The following FANCC variants were observed in gnomAD, a reference collection of about 807,000 sequenced individuals.
The protein encoded by FANCC is Fanconi anemia group C protein.
A neutral mutation model predicts 71.3 loss-of-function variants in FANCC; 55 were observed. That is an observed-to-expected ratio of 0.77 (90% CI 0.62 to 0.97). FANCC has a LOEUF of 0.97. Among genes scored for constraint, FANCC ranks in the 50% least tolerant of loss-of-function variants. The pLI is 0.00. For missense variants in FANCC, 678 were observed against 670.9 expected, an observed-to-expected ratio of 1.01 and a Z score of -0.12; for synonymous variants, 275 against 244.9, an observed-to-expected ratio of 1.12 and a Z score of -1.15.
At chr9:95,230,445 G>A (rs541560580) in intron 4 of FANCC, among the ~76,000 whole-genome samples, 2 of 152,232 alleles carry the variant, frequency 1.3e-5, no homozygotes, top group Admixed American at 6.5e-5. Context: ...TATTGTGTCC[G>A]GAATTTATTC....
intron 1 of FANCC, among the ~76,000 whole-genome samples, chr9:95,291,648 C>T (rs1434886978): frequency 2.6e-5 from 4 of 151,808 alleles, no homozygotes; most frequent in South Asian, 2.1e-4. Context: ...TTTAAAAGTC[C>T]GTTAAAATTT....
intron 4 of FANCC, among the ~76,000 whole-genome samples, chr9:95,173,659 T>C (rs1825831161): frequency 6.6e-6 from 1 of 152,178 alleles, no homozygotes; most frequent in Non-Finnish European, 1.5e-5. Flanking sequence ...CTCACACCTA[T>C]AATCACAGCA....
chr9:95,108,170 C>T (rs1466659230), intron 13 of FANCC, among the ~76,000 whole-genome samples: 2 of 152,090 alleles, frequency 1.3e-5, no homozygotes, highest in Non-Finnish European at 1.5e-5. Flanking sequence ...AGGCCTCATT[C>T]AATGAAGTCT....
chr9:95,144,007 T>C (rs1298090448), intron 7 of FANCC, among the ~76,000 whole-genome samples: 1 of 152,090 alleles, frequency 6.6e-6, no homozygotes, highest in Admixed American at 6.5e-5. Flanking sequence ...CACCAGCCAA[T>C]TGTCAAACAG....
intron 1 of FANCC, among the ~76,000 whole-genome samples, chr9:95,311,617 C>T (rs1588453972): frequency 6.6e-6 from 1 of 152,212 alleles, no homozygotes; most frequent in African/African-American, 2.4e-5. Flanking sequence ...AACTCACAAT[C>T]TTCCAGCCTC....
chr9:95,258,262 C>T (rs941628255), intron 1 of FANCC, among the ~76,000 whole-genome samples: 3 of 152,284 alleles, frequency 2.0e-5, no homozygotes, highest in African/African-American at 7.2e-5. Flanking sequence ...GGCCAATTCC[C>T]TGATGAACAT....
intron 1 of FANCC, among the ~76,000 whole-genome samples, chr9:95,271,090 G>A (rs1832685810): frequency 6.6e-6 from 1 of 152,168 alleles, no homozygotes; most frequent in Admixed American, 6.5e-5. Flanking sequence ...CCTTGACAAT[G>A]TTTGAAGACA....
At chr9:95,292,103 A>G (rs1225450542) in intron 1 of FANCC, among the ~76,000 whole-genome samples, 1 of 150,030 alleles carries the variant, frequency 6.7e-6, no homozygotes, top group African/African-American at 2.4e-5. Context: ...AAAACAGTAG[A>G]GTACTGACAT....
At chr9:95,243,011 A>C (rs1830727033) in intron 3 of FANCC, among the ~76,000 whole-genome samples, 1 of 152,262 alleles carries the variant, frequency 6.6e-6, no homozygotes, top group Non-Finnish European at 1.5e-5. Context: ...GAAGATAACA[A>C]CATACACTTG....
chr9:95,134,891 A>G (rs2135155609), intron 8 of FANCC, among the ~76,000 whole-genome samples: 1 of 152,362 alleles, frequency 6.6e-6, no homozygotes, highest in African/African-American at 2.4e-5. Context: ...GAAAACTTAC[A>G]GAAGTCTTAG....
intron 1 of FANCC, among the ~76,000 whole-genome samples, chr9:95,308,906 G>A (rs1041237221): frequency 2.0e-5 from 3 of 152,138 alleles, no homozygotes; most frequent in East Asian, 1.9e-4. Flanking sequence ...TACTCAGGAG[G>A]CTCAGGTGGG....
intron 1 of FANCC, among the ~76,000 whole-genome samples, chr9:95,289,908 C>T (rs1833905908): frequency 6.6e-6 from 1 of 152,200 alleles, no homozygotes; most frequent in Non-Finnish European, 1.5e-5. Context: ...ATCCTCCTGC[C>T]TCAGCCTCCC....
chr9:95,274,846 G>A (rs562302679), intron 1 of FANCC, among the ~76,000 whole-genome samples: 4 of 152,172 alleles, frequency 2.6e-5, no homozygotes, highest in Non-Finnish European at 5.9e-5. Context: ...TTGGGGAAGG[G>A]AAAGGAGGAA....
chr9:95,141,286 TG>T (rs1279687837), intron 7 of FANCC, among the ~76,000 whole-genome samples: 1 of 116,740 alleles, frequency 8.6e-6, no homozygotes, highest in East Asian at 2.8e-4. Flanking sequence ...CACTCTAGCC[TG>T]GGTGACAGAG....
At chr9:95,278,247 G>T (rs1833163227) in intron 1 of FANCC, among the ~76,000 whole-genome samples, 1 of 152,060 alleles carries the variant, frequency 6.6e-6, no homozygotes, top group South Asian at 2.1e-4. Flanking sequence ...GGAAGAGAAG[G>T]GAATAAAGCT....
At chr9:95,310,881 CAAT>C (rs1835355292) in intron 1 of FANCC, among the ~76,000 whole-genome samples, 2 of 152,084 alleles carry the variant, frequency 1.3e-5, no homozygotes, top group Admixed American at 1.3e-4. Flanking sequence ...ACACATAAGG[CAAT>C]AATATGAACT....
intron 8 of FANCC, among the ~76,000 whole-genome samples, chr9:95,130,029 TCAA>T (rs1432427302): frequency 6.6e-6 from 1 of 152,102 alleles, no homozygotes; most frequent in African/African-American, 2.4e-5. Context: ...CAACATGGAA[TCAA>T]CACACAATAA....
At chr9:95,279,169 T>A (rs1833225435) in intron 1 of FANCC, among the ~76,000 whole-genome samples, 1 of 151,814 alleles carries the variant, frequency 6.6e-6, no homozygotes, top group South Asian at 2.1e-4. Context: ...AATACAAAAA[T>A]TAGCTGGGCA....
chr9:95,263,718 A>G (rs1407877921), intron 1 of FANCC, among the ~76,000 whole-genome samples: 1 of 152,136 alleles, frequency 6.6e-6, no homozygotes, highest in Admixed American at 6.5e-5. Context: ...AAAGGCAAAT[A>G]GCAGCTTAGC....
Sources: gnomAD v4.1 joint callset for allele counts (sites outside exome capture counted in the v4.1 genomes callset) on GRCh38, gnomAD v4.1.1 for gene constraint, MANE v1.5 for transcripts, NCBI Gene and HGNC (gene_info 2026-07-23, HGNC 2026-07-21) for gene names.